DCHS2: variants seen among roughly 807,000 people sequenced by gnomAD.
DCHS2 encodes dachsous cadherin-related 2.
In DCHS2, 142 loss-of-function variants were observed where a neutral mutation model predicts 182.4. The ratio of observed to expected loss-of-function variants is 0.78; its 90% confidence interval spans 0.68 to 0.89. The LOEUF (loss-of-function observed/expected upper bound fraction) is 0.89. DCHS2 is among the 40% of genes least tolerant of loss of function. DCHS2 has a pLI of 0.00. For synonymous variants in DCHS2, 1,740 were observed against 1,663.3 expected, an observed-to-expected ratio of 1.05 and a Z score of -1.12; for missense variants, 4,319 against 4,198.6, an observed-to-expected ratio of 1.03 and a Z score of -0.79.
At chr4:154,326,109 C>T (rs1332603675) in intron 7 of DCHS2, among the ~76,000 whole-genome samples, 1 of 152,208 alleles carries the variant, frequency 6.6e-6, no homozygotes, top group African/African-American at 2.4e-5. Flanking sequence ...TCTAGGGTAA[C>T]AGAAGTAGAA....
intron 10 of DCHS2, among the ~76,000 whole-genome samples, chr4:154,311,427 G>A (rs1393848815): frequency 6.6e-6 from 1 of 151,244 alleles, no homozygotes; most frequent in Non-Finnish European, 1.5e-5. Flanking sequence ...TAAAGGTGAG[G>A]TCTTGCTATG....
chr4:154,451,815 A>T (rs1241945222), intron 1 of DCHS2, among the ~76,000 whole-genome samples: 1 of 152,230 alleles, frequency 6.6e-6, no homozygotes, highest in Non-Finnish European at 1.5e-5. Flanking sequence ...ACTTGGTCGT[A>T]TGTTGAGAAA....
intron 13 of DCHS2, among the ~76,000 whole-genome samples, chr4:154,276,891 C>A (rs1733876334): frequency 6.6e-6 from 1 of 152,072 alleles, no homozygotes; most frequent in Non-Finnish European, 1.5e-5. Flanking sequence ...AAGCTAGCAA[C>A]AGTGCTAGTG....
At chr4:154,321,357 T>C (rs1183835333) in intron 8 of DCHS2, 135 bp from the exon 9 acceptor site, 13 of 962,420 alleles carry the variant, frequency 1.4e-5, no homozygotes, top group Non-Finnish European at 1.7e-5. Context: ...AAAAATGTCA[T>C]TTTTATATTA....
intron 1 of DCHS2, among the ~76,000 whole-genome samples, chr4:154,396,258 G>A (rs371995794): frequency 7.9e-4 from 112 of 141,876 alleles, no homozygotes; most frequent in African/African-American, 2.8e-3. Flanking sequence ...AGAAACAAAG[G>A]AAGGGAGGGA....
chr4:154,485,386 A>G (rs944544677), intron 1 of DCHS2, among the ~76,000 whole-genome samples: 7 of 152,248 alleles, frequency 4.6e-5, no homozygotes, highest in African/African-American at 1.7e-4. Context: ...GATTTGAAAG[A>G]AACAGATACA....
intron 1 of DCHS2, among the ~76,000 whole-genome samples, chr4:154,449,517 C>T (rs1343518047): frequency 6.6e-6 from 1 of 151,858 alleles, no homozygotes; most frequent in Non-Finnish European, 1.5e-5. Flanking sequence ...ACTACAGGTG[C>T]GTGCCACCAC....
At chr4:154,293,479 G>A (rs900507031) in intron 13 of DCHS2, among the ~76,000 whole-genome samples, 7 of 152,154 alleles carry the variant, frequency 4.6e-5, no homozygotes, top group Admixed American at 3.9e-4. Context: ...ACTGCGCCCG[G>A]CCGGTATTAG....
chr4:154,396,689 T>A (rs1731940780), intron 1 of DCHS2, among the ~76,000 whole-genome samples: 1 of 152,174 alleles, frequency 6.6e-6, no homozygotes, highest in Non-Finnish European at 1.5e-5. Flanking sequence ...CACACACTCC[T>A]CACTCCAGTG....
chr4:154,308,585 A>G lies in DCHS2; in HGVS notation c.5261-3354T>C, dbSNP rs538601460. ...ACTGAATAGTTACCTTGGACCTCAG[A>G]GTTTCTCTCTAGAGTGGAAGATGAT... is the stretch of plus-strand genomic sequence containing the variant. On this transcript the variant is annotated intron_variant, in intron 10 of 19. Transcript: ENST00000357232. Among the ~76,000 whole-genome samples, 20 of 152,298 alleles carry G rather than the reference A, an allele frequency of 1.3e-4. No homozygotes were observed. In the South Asian group the frequency reaches 3.9e-3, roughly 30 times the overall value.
intron 19 of DCHS2, 98 bp from the exon 20 acceptor site, chr4:154,237,257 A>C (rs1731576571): frequency 1.4e-6 from 2 of 1,424,060 alleles, no homozygotes; most frequent in Admixed American, 5.6e-5. Flanking sequence ...ATATGTGTTT[A>C]ATTCTTTGTT....
intron 14 of DCHS2, 109 bp downstream of exon 14, chr4:154,269,791 G>T: frequency 1.5e-6 from 2 of 1,348,340 alleles, no homozygotes; most frequent in Admixed American, 2.9e-5. Context: ...ATTCTTTCTT[G>T]CTTACCTTTT....
At chr4:154,484,035 G>C (rs1471581736) in intron 1 of DCHS2, among the ~76,000 whole-genome samples, 1 of 152,054 alleles carries the variant, frequency 6.6e-6, no homozygotes. Context: ...TCAAAAACTC[G>C]AGAGAGCCAG....
At chr4:154,450,758 G>A (rs924471402) in intron 1 of DCHS2, among the ~76,000 whole-genome samples, 24 of 152,062 alleles carry the variant, frequency 1.6e-4, no homozygotes, top group Non-Finnish European at 2.8e-4. Context: ...ACTTGAACGC[G>A]GAAGGCAGAG....
intron 3 of DCHS2, among the ~76,000 whole-genome samples, chr4:154,355,400 G>A (rs1729813891): frequency 6.6e-6 from 1 of 152,156 alleles, no homozygotes; most frequent in Non-Finnish European, 1.5e-5. Context: ...CTAAAAGGAA[G>A]AGAAATCCTC....
At position 154,491,369 on chromosome 4, in the gene DCHS2, C is replaced by A; in HGVS notation, c.-14G>T. 3 of 1,497,484 alleles carry A rather than the reference C, an allele frequency of 2.0e-6. No individual in the cohort carries two copies. The highest frequency in any genetic ancestry group is 2.7e-6 in the Non-Finnish European group (3 of 1,119,072). The allele number at this position is 1,497,484 out of a possible 1,614,324, so 92.8% of individuals were successfully genotyped here. On this transcript the variant is annotated 5_prime_UTR_variant, in exon 1 of 20. Coordinates refer to ENST00000357232, the MANE Select transcript of DCHS2 (RefSeq NM_001358235.2). ...ACAAGGGCTCATTTCTCCTCCAGCT[C>A]CTTGGGAAGGCTCTCGGGTAACTGC...
At chr4:154,367,598 C>T (rs1008940937) in intron 2 of DCHS2, among the ~76,000 whole-genome samples, 4 of 152,136 alleles carry the variant, frequency 2.6e-5, no homozygotes, top group African/African-American at 7.2e-5. Flanking sequence ...CACATGTTCC[C>T]ACTTTAAAGC....
intron 1 of DCHS2, among the ~76,000 whole-genome samples, chr4:154,480,891 G>A (rs1046000546): frequency 2.0e-5 from 3 of 151,966 alleles, no homozygotes; most frequent in Admixed American, 6.6e-5. Flanking sequence ...GCCTCCCAAA[G>A]TGCTGAGATT....
intron 3 of DCHS2, among the ~76,000 whole-genome samples, chr4:154,345,012 A>G (rs1250899550): frequency 1.3e-5 from 2 of 152,174 alleles, no homozygotes; most frequent in Admixed American, 6.5e-5. Context: ...TAAACACAGA[A>G]GAAAGCATGA....
Sources: gnomAD v4.1 joint callset for allele counts (sites outside exome capture counted in the v4.1 genomes callset) on GRCh38, gnomAD v4.1.1 for gene constraint, MANE v1.5 for transcripts, NCBI Gene and HGNC (gene_info 2026-07-23, HGNC 2026-07-21) for gene names.